The following TANK variants were observed in gnomAD, a reference collection of about 807,000 sequenced individuals.
TANK encodes TRAF family member associated NFKB activator, also known as TRAF family member-associated NF-kappa-B activator.
A neutral mutation model predicts 43.6 loss-of-function variants in TANK; 15 were observed. That is an observed-to-expected ratio of 0.34 (90% confidence interval 0.23 to 0.53). TANK has a LOEUF of 0.53. Ranked by LOEUF, TANK falls within the 20% of genes least tolerant of loss-of-function variation. TANK has a pLI of 0.94. For missense variants in TANK, 417 were observed against 498.6 expected (o/e 0.84, Z 1.56); for synonymous variants, 162 against 178.2 (o/e 0.91, Z 0.73).
At chr2:161,219,312 G>A (rs1016118815) in intron 4 of TANK, among the ~76,000 whole-genome samples, 1 of 152,214 alleles carries the variant, frequency 6.6e-6, no homozygotes, top group Admixed American at 6.5e-5. Context: ...GAACTTGGAA[G>A]TAATTAGGGT....
In TANK at chr2:161,190,215, A is replaced by G. The variant is rs565188605; in HGVS notation, c.99+10454A>G. ...AGATGGCCAATAAGCATATGAAAAG[A>G]TGCTCAGCATCCCTATTCATTAGTA... On this transcript the variant is annotated intron_variant, in intron 2 of 7. Coordinates refer to ENST00000392749, the MANE Select transcript of TANK (RefSeq NM_001199135.3). 2.6e-5 allele frequency among the ~76,000 whole-genome samples: 4 copies of G among 152,342 alleles called. No individual in the cohort carries two copies. In the East Asian group the frequency reaches 7.7e-4, roughly 29 times the overall value.
At position 161,227,886 on chromosome 2, in the gene TANK, TA is replaced by T. The variant is rs1687711200; in HGVS notation, c.521-3083del. 2.6e-5 allele frequency among the ~76,000 whole-genome samples: 4 copies of T among 152,322 alleles called. No individual in the cohort carries two copies. In the South Asian group the frequency reaches 8.3e-4, roughly 32 times the overall value. On this transcript the variant is annotated intron_variant, in intron 6 of 7. Transcript: ENST00000392749. Reference sequence around the variant, plus strand: ...TGACTACTCGAGAGTTAATGGACTTTAAGAACCTCAGAGGCTAAAGAAATCC... The same window carrying T: ...TGACTACTCGAGAGTTAATGGACTTTAGAACCTCAGAGGCTAAAGAAATCC...
intron 1 of TANK, among the ~76,000 whole-genome samples, chr2:161,152,190 C>A (rs1573949824): frequency 1.3e-5 from 2 of 152,136 alleles, no homozygotes; most frequent in Middle Eastern, 6.8e-3. Flanking sequence ...AGTTACAAAC[C>A]AAAATACAAT....
In TANK at chr2:161,160,499, CTT is replaced by C; in HGVS notation, c.-50+15_-50+16del. On this transcript the variant is annotated intron_variant, in intron 1 of 7. Coordinates refer to ENST00000392749, the MANE Select transcript of TANK (RefSeq NM_001199135.3). ...AAGCGTGAACTGTGTGAGTAAGAAA[CTT>C]TGTGAATTGGTGTGTCCGAATCCGT... 8.0e-6 allele frequency: 10 copies of C among 1,256,990 alleles called. No individual in the cohort carries two copies. The highest frequency in any genetic ancestry group is 9.0e-6 in the Non-Finnish European group (9 of 999,348). The allele number at this position is 1,256,990 out of a possible 1,614,324, so 77.9% of individuals were successfully genotyped here.
At chr2:161,161,013 G>T in intron 1 of TANK, 1 of 490,186 alleles carries the variant, frequency 2.0e-6, no homozygotes, top group Non-Finnish European at 3.7e-6. Flanking sequence ...ATGAGAAGTT[G>T]GGTAACTTCC....
At chr2:161,179,069 C>T (rs544214973) in intron 1 of TANK, among the ~76,000 whole-genome samples, 3 of 152,156 alleles carry the variant, frequency 2.0e-5, no homozygotes, top group South Asian at 4.1e-4. Context: ...TCTTTTTTAA[C>T]GTACAATGCA....
In TANK at chr2:161,203,529, C is replaced by T. The variant is rs1390536601; in HGVS notation, c.142C>T (p.Leu48=). The change falls in exon 3 of 8, where the codon CTG becomes TTG. Residue 48 remains leucine, a synonymous_variant. Coordinates refer to ENST00000392749, the MANE Select transcript of TANK (RefSeq NM_001199135.3). ...EQRIREQQEQ[L]SLQQTIIDKL... is the part of the protein sequence containing the mutation. ...GAGAATACGTGAACAACAGGAACAG[C>T]TGTCACTTCAACAGACTATTATTGA... 6.2e-7 allele frequency: 1 copy of T among 1,612,684 alleles called. No individual in the cohort carries two copies. Among genetic ancestry groups the T allele is most frequent in the Non-Finnish European group, 8.5e-7 (1 of 1,179,488 alleles).
At chr2:161,232,938 AGTTT>A in intron 7 of TANK, 1 of 1,371,270 alleles carries the variant, frequency 7.3e-7, no homozygotes, top group East Asian at 2.5e-5. Flanking sequence ...CAAAGAAATT[AGTTT>A]GTTTTGAAGA....
chr2:161,222,353 A>G (rs971467958), intron 4 of TANK, among the ~76,000 whole-genome samples: 2 of 152,088 alleles, frequency 1.3e-5, no homozygotes, highest in Non-Finnish European at 2.9e-5. Context: ...TCCATTTAAT[A>G]TATAATCACT....
chr2:161,141,206 G>A (rs1405593224), intron 1 of TANK, among the ~76,000 whole-genome samples: 1 of 152,084 alleles, frequency 6.6e-6, no homozygotes, highest in Non-Finnish European at 1.5e-5. Flanking sequence ...GTACTATTAA[G>A]CAGTTGTTCT....
rs1194290618 is a variant in TANK at position 161,197,941 on chromosome 2, TA to T, written c.100-5543del. Among the ~76,000 whole-genome samples, 15 of 152,280 alleles carry T rather than the reference TA, an allele frequency of 9.9e-5. No individual in the cohort carries two copies. In the East Asian group the frequency reaches 2.7e-3, roughly 27 times the overall value. ...CTGCACACATACAAAATATATGAGA[TA>T]AATGCACGTGATACACATTTATTCC... On this transcript the variant is annotated intron_variant, in intron 2 of 7. Coordinates refer to ENST00000392749, the MANE Select transcript of TANK (RefSeq NM_001199135.3).
In TANK at chr2:161,223,936, TCTC is replaced by T. The variant is rs769494396; in HGVS notation, c.352_354del (p.Pro118del). On this transcript the variant is annotated inframe_deletion, in exon 5 of 8. Transcript: ENST00000392749. The stretch of plus-strand genomic sequence containing the variant: ...TAAGGTAAGAAGACAAGAGGTTTCT[TCTC>T]CTAGAAAAGAAACTTCAGCAAGGAG... 10 of 1,601,386 alleles carry T rather than the reference TCTC, an allele frequency of 6.2e-6. No homozygotes were observed. In the East Asian group the frequency reaches 1.3e-4, roughly 22 times the overall value.
At chr2:161,171,523 T>A (rs1684937652) in intron 1 of TANK, among the ~76,000 whole-genome samples, 1 of 152,218 alleles carries the variant, frequency 6.6e-6, no homozygotes, top group African/African-American at 2.4e-5. Flanking sequence ...TGCCAGTGGT[T>A]AAGAGCACAG....
At chr2:161,207,102 A>G (rs1686686295) in intron 4 of TANK, among the ~76,000 whole-genome samples, 1 of 152,138 alleles carries the variant, frequency 6.6e-6, no homozygotes, top group African/African-American at 2.4e-5. Flanking sequence ...GCAGACCTTC[A>G]ATGGAAATCT....
intron 7 of TANK, among the ~76,000 whole-genome samples, chr2:161,233,481 T>C (rs528066217): frequency 5.5e-4 from 83 of 152,256 alleles, no homozygotes; most frequent in Non-Finnish European, 1.1e-3. Flanking sequence ...TTTGGCTACA[T>C]ATTTCAAAAT....
At chr2:161,170,971 AT>A (rs1450831290) in intron 1 of TANK, among the ~76,000 whole-genome samples, 1 of 152,236 alleles carries the variant, frequency 6.6e-6, no homozygotes, top group Non-Finnish European at 1.5e-5. Flanking sequence ...TAAAAATATC[AT>A]TTGCAATCTT....
At chr2:161,180,122 T>C in intron 2 of TANK, 1 of 997,014 alleles carries the variant, frequency 1.0e-6, no homozygotes, top group Non-Finnish European at 1.2e-6. Context: ...GTTTTGGTGT[T>C]TTTTATGTTG....
intron 1 of TANK, chr2:161,137,847 G>T (rs773407581): frequency 2.6e-5 from 4 of 152,466 alleles, no homozygotes; most frequent in Admixed American, 2.0e-4. Flanking sequence ...GGTGGTACAT[G>T]TCTGTAATCC....
At chr2:161,234,489 A>G (rs1688076668) in intron 7 of TANK, among the ~76,000 whole-genome samples, 1 of 152,238 alleles carries the variant, frequency 6.6e-6, no homozygotes, top group East Asian at 1.9e-4. Context: ...TGTAGCTATT[A>G]TTAAGCTAAA....
Sources: allele counts gnomAD v4.1 joint callset (sites outside exome capture counted in the v4.1 genomes callset), GRCh38; gene constraint gnomAD v4.1.1; transcripts MANE v1.5; gene names NCBI Gene and HGNC (gene_info 2026-07-23, HGNC 2026-07-21).